Variants in SCLY observed in about 807,000 individuals in gnomAD.
The protein encoded by SCLY is putative selenocysteine lyase.
SCLY carries 38 observed loss-of-function variants against 50.1 expected under a neutral mutation model. The observed-to-expected ratio is 0.76, with a 90% confidence interval of 0.59 to 0.99. The LOEUF is 0.99. Among genes scored for constraint, SCLY ranks in the 50% least tolerant of loss-of-function variants. The pLI is 0.00. For missense variants in SCLY, 600 were observed against 620.0 expected, an observed-to-expected ratio of 0.97 and a Z score of 0.34; for synonymous variants, 243 against 249.4, an observed-to-expected ratio of 0.97 and a Z score of 0.24.
At chr2:238,091,538 CTGCAGGT>C in intron 8 of SCLY, 10 of 453,118 alleles carry the variant, frequency 2.2e-5, no homozygotes, top group Admixed American at 1.4e-4. Flanking sequence ...AAGTGTCAAG[CTGCAGGT>C]TCACCATTCC....
intron 1 of SCLY, 166 bp downstream of exon 1, chr2:238,061,309 G>T: frequency 1.4e-6 from 1 of 716,056 alleles, no homozygotes; most frequent in Non-Finnish European, 2.6e-6. Flanking sequence ...CTTCAAGGAG[G>T]AGCGGGTGCG....
At chr2:238,075,318 A>G (rs915347542) in intron 4 of SCLY, among the ~76,000 whole-genome samples, 8 of 152,166 alleles carry the variant, frequency 5.3e-5, no homozygotes, top group Non-Finnish European at 1.2e-4. Flanking sequence ...GTCAATATTC[A>G]TAAGAGGTAT....
At chr2:238,087,321 G>A (rs1411204665) in intron 7 of SCLY, among the ~76,000 whole-genome samples, 2 of 152,068 alleles carry the variant, frequency 1.3e-5, no homozygotes, top group Non-Finnish European at 2.9e-5. Context: ...GAAACAAGGA[G>A]TACCACTCCA....
intron 4 of SCLY, among the ~76,000 whole-genome samples, chr2:238,074,406 T>G (rs950546858): frequency 1.3e-5 from 2 of 152,190 alleles, no homozygotes; most frequent in African/African-American, 2.4e-5. Context: ...AAGGGTCAAC[T>G]GTACAGTTGA....
At chr2:238,094,184 T>G in intron 9 of SCLY, 1 of 611,712 alleles carries the variant, frequency 1.6e-6, no homozygotes, top group East Asian at 2.7e-5. Context: ...GGATCAAATA[T>G]GCAGAGGTGG....
chr2:238,070,423 T>G (rs2065116780), intron 4 of SCLY, among the ~76,000 whole-genome samples: 1 of 152,226 alleles, frequency 6.6e-6, no homozygotes, highest in Non-Finnish European at 1.5e-5. Flanking sequence ...TCAAGCCTTG[T>G]AATCCTAGCA....
intron 11 of SCLY, 140 bp downstream of exon 11, chr2:238,097,016 A>C (rs1184137361): frequency 2.5e-6 from 2 of 789,244 alleles, no homozygotes; most frequent in Non-Finnish European, 3.9e-6. Context: ...GGAGGGGCAG[A>C]GGGAGGGCTT....
At chr2:238,070,417 G>A (rs2065116679) in intron 4 of SCLY, among the ~76,000 whole-genome samples, 1 of 152,124 alleles carries the variant, frequency 6.6e-6, no homozygotes, top group East Asian at 1.9e-4. Context: ...AGTGGCTCAA[G>A]CCTTGTAATC....
rs1387039990 is a variant in SCLY at position 238,098,672 on chromosome 2, C to CATGGGA, written c.*317_*318insATGGGA. 8.5e-5 allele frequency: 36 copies of CATGGGA among 423,318 alleles called. No homozygotes were observed. The highest frequency in any genetic ancestry group is 1.0e-4 in the East Asian group (3 of 28,748). The allele number at this position is 423,318 out of a possible 1,614,324, so 26.2% of individuals were successfully genotyped here. A position where few individuals can be genotyped will look rare whatever the true frequency, so the allele number is the denominator to read the frequency against. The stretch of plus-strand genomic sequence containing the variant: ...GGGACCGCCCACATAGAACCGTCCT[C>CATGGGA]CAGTGGTGAAGCGGAAACACTTAGC... On this transcript the variant is annotated 3_prime_UTR_variant, in exon 12 of 12. Coordinates refer to ENST00000254663, the MANE Select transcript of SCLY (RefSeq NM_016510.7).
In SCLY at chr2:238,099,208, T is replaced by A. The variant is rs1216691951; in HGVS notation, c.*853T>A. The A allele has an allele frequency of 1.5e-5, 7 of 470,990 alleles. No individual in the cohort carries two copies. Among genetic ancestry groups the A allele is most frequent in the Non-Finnish European group, 3.1e-5 (7 of 226,930 alleles). The allele number at this position is 470,990 out of a possible 1,614,324, so 29.2% of individuals were successfully genotyped here. A position where few individuals can be genotyped will look rare whatever the true frequency, so the allele number is the denominator to read the frequency against. On this transcript the variant is annotated 3_prime_UTR_variant, in exon 12 of 12. Coordinates refer to ENST00000254663, the MANE Select transcript of SCLY (RefSeq NM_016510.7). ...GAATCGGATCATCCCTGACTCAGCT[T>A]TTACCTTAATTTTATTTGCAGAGGA...
rs144982752 is a variant in SCLY, at chr2:238,068,129, A to T, written c.267A>T (p.Lys89Asn). The change falls in exon 3 of 12, where the codon AAA (lysine) becomes AAT (asparagine). Residue 89 changes from lysine to asparagine, a missense_variant. Coordinates refer to ENST00000254663, the MANE Select transcript of SCLY (RefSeq NM_016510.7). ...RESLAKMIGG[K>N]PQDIIFTSGG... ...GCCTCGCGAAGATGATAGGGGGGAA[A>T]CCTCAAGATATAATCTTCACTTCCG... is the stretch of plus-strand genomic sequence containing the variant. 6.8e-6 allele frequency: 11 copies of T among 1,611,458 alleles called. No homozygotes were observed. The highest frequency in any genetic ancestry group is 5.5e-5 in the South Asian group (5 of 90,320).
At chr2:238,091,561 G>GAATTAT in intron 8 of SCLY, 19 of 302,668 alleles carry the variant, frequency 6.3e-5, no homozygotes, top group South Asian at 1.8e-4. Context: ...ATTCCCAAAG[G>GAATTAT]CGTCGGCAGC....
chr2:238,061,141 G>C lies in SCLY; in HGVS notation c.87G>C (p.Glu29Asp), dbSNP rs991320503. 7.3e-5 allele frequency: 108 copies of C among 1,485,774 alleles called. No individual in the cohort carries two copies. The highest frequency in any genetic ancestry group is 9.3e-5 in the Non-Finnish European group (104 of 1,122,396). 92.0% of individuals were successfully genotyped at this position (1,485,774 alleles called of 1,614,324 possible). ...GCTGCGGGAAACACAACTCGCCGGA[G>C]AGGTGCGCGCCTTTAGGGCAGGGCT... The part of the protein sequence containing the change: ...PSGCGKHNSP[E>D]RKVYMDYNAT... Residue 29 changes from glutamate to aspartate, a missense_variant and splice_region_variant, in exon 1 of 12, where the codon GAG becomes GAC. By Grantham distance (45) the Glu-to-Asp change is conservative. Coordinates refer to ENST00000254663, the MANE Select transcript of SCLY (RefSeq NM_016510.7).
In SCLY at chr2:238,083,300, C is replaced by A. The variant is rs979241033; in HGVS notation, c.830C>A (p.Thr277Asn). The A allele has an allele frequency of 6.2e-7, 1 of 1,613,830 alleles. No individual in the cohort carries two copies. The change falls in exon 7 of 12, where the codon ACC becomes AAC. Residue 277 changes from threonine (T) to asparagine (N), a missense_variant. Coordinates refer to ENST00000254663, the MANE Select transcript of SCLY (RefSeq NM_016510.7). This position sits in a 1 kb window ranked among gnomAD's most constrained non-coding sequence, Gnocchi z 4.3. ...TATATACGAGGACTTGGTGAATTTA[C>A]CCCTCTCTACCCTATGCTATTTGGA... ...ALYIRGLGEF[T>N]PLYPMLFGGG...
At chr2:238,062,041 T>A (rs79556958) in intron 1 of SCLY, among the ~76,000 whole-genome samples, 1,644 of 152,312 alleles carry the variant, frequency 0.011, 22 homozygotes, top group African/African-American at 0.037. Context: ...CCCTAGGGAA[T>A]CAGTGGAGCG....
In SCLY at chr2:238,064,520, G is replaced by A. The variant is rs765553512; in HGVS notation, c.202+51G>A. Reference sequence around the variant, plus strand: ...ACTGATGGGAGATAATGGGGATGGGGCGCTCTTAGAGAAATTGCACACCCA... The same window carrying A: ...ACTGATGGGAGATAATGGGGATGGGACGCTCTTAGAGAAATTGCACACCCA... On this transcript the variant is annotated intron_variant, in intron 2 of 11. Transcript: ENST00000254663. 1.9e-5 allele frequency: 25 copies of A among 1,339,140 alleles called. No individual in the cohort carries two copies. The Admixed American group carries it at 5.2e-4, about 28-fold the overall frequency. 83.0% of individuals were successfully genotyped at this position (1,339,140 alleles called of 1,614,324 possible).
intron 7 of SCLY, among the ~76,000 whole-genome samples, chr2:238,086,263 T>G (rs2065296720): frequency 6.6e-6 from 1 of 152,258 alleles, no homozygotes; most frequent in Non-Finnish European, 1.5e-5. Context: ...TTTAGAGTTT[T>G]CTGAATTACG....
At chr2:238,094,608 C>G in intron 10 of SCLY, 86 bp downstream of exon 10, 2 of 1,152,518 alleles carry the variant, frequency 1.7e-6, no homozygotes, top group South Asian at 2.5e-5. Flanking sequence ...GACTCCCACT[C>G]GCCCTGCCCT....
Position 238,099,188 on chromosome 2 carries a change from G to A in SCLY, c.*833G>A, listed in dbSNP as rs111702843. 139 of 464,280 alleles carry A rather than the reference G, an allele frequency of 3.0e-4. No individual in the cohort carries two copies. The highest frequency in any genetic ancestry group is 1.1e-3 in the African/African-American group (57 of 49,908). The allele number at this position is 464,280 out of a possible 1,614,324, so 28.8% of individuals were successfully genotyped here. On this transcript the variant is annotated 3_prime_UTR_variant, in exon 12 of 12. Transcript: ENST00000254663. ...CCAGGTCATTCCTGGGGTGGGAATCGGATCATCCCTGACTCAGCTTTTACC... is the reference window on the plus strand; with the variant it reads ...CCAGGTCATTCCTGGGGTGGGAATCAGATCATCCCTGACTCAGCTTTTACC...
Sources: gnomAD v4.1 joint callset for allele counts (sites outside exome capture counted in the v4.1 genomes callset) on GRCh38, gnomAD v4.1.1 for gene constraint, Gnocchi (gnomAD v3.1) non-coding constraint, MANE v1.5 for transcripts, NCBI Gene and HGNC (gene_info 2026-07-23, HGNC 2026-07-21) for gene names.